Variants in LMO7 observed in about 807,000 individuals in gnomAD.
LMO7 encodes LIM domain only protein 7.
A neutral mutation model predicts 206.5 loss-of-function variants in LMO7; 120 were observed. The observed-to-expected ratio is 0.58, with a 90% confidence interval of 0.50 to 0.68. The LOEUF is 0.68. Ranked by LOEUF, LMO7 falls within the 30% of genes least tolerant of loss-of-function variation. The probability of loss-of-function intolerance (pLI) is 0.00; values close to 1 mark genes in which losing one functional copy is unlikely to be tolerated. For missense variants in LMO7, 1,959 were observed against 1,957.9 expected, an observed-to-expected ratio of 1.00 and a Z score of -0.01; for synonymous variants, 706 against 681.5, an observed-to-expected ratio of 1.04 and a Z score of -0.56.
At chr13:75,823,924 T>A in intron 15 of LMO7, 51 bp downstream of exon 15, 1 of 1,453,550 alleles carries the variant, frequency 6.9e-7, no homozygotes, top group Non-Finnish European at 9.6e-7. Flanking sequence ...CTTACACATT[T>A]AAATCTGGAA....
chr13:75,654,895 A>G (rs1353124249), intron 1 of LMO7, among the ~76,000 whole-genome samples: 1 of 138,694 alleles, frequency 7.2e-6, no homozygotes, highest in Non-Finnish European at 1.6e-5. Flanking sequence ...TTTTTGACAA[A>G]ATCTTCGCTC....
intron 30 of LMO7, chr13:75,857,632 A>G (rs2061073289): frequency 4.0e-6 from 1 of 247,228 alleles, no homozygotes; most frequent in African/African-American, 2.2e-5. Flanking sequence ...TTCTGGAATC[A>G]CCATTGTAAA....
chr13:75,727,607 A>G (rs1668653414), intron 3 of LMO7, among the ~76,000 whole-genome samples: 1 of 151,990 alleles, frequency 6.6e-6, no homozygotes, highest in Non-Finnish European at 1.5e-5. Context: ...TGTATTGCCT[A>G]TACTTTGCTT....
rs2035863616 is a variant in LMO7 at position 75,636,450 on chromosome 13, C to T, written c.-208C>T. 1 of 1,412,272 alleles carries T rather than the reference C, an allele frequency of 7.1e-7. No individual in the cohort carries two copies. The highest frequency in any genetic ancestry group is 9.2e-7 in the Non-Finnish European group (1 of 1,088,498). The allele number at this position is 1,412,272 out of a possible 1,614,324, so 87.5% of individuals were successfully genotyped here. On this transcript the variant is annotated 5_prime_UTR_variant, in exon 1 of 31. Coordinates refer to ENST00000377534, the MANE Select transcript of LMO7 (RefSeq NM_001306080.2). Reference sequence around the variant, plus strand: ...TCGCTTTCAGGAGTTTAGAGAAAGCCAGGTCTTCACGTTCGTGTAGGTTCG... The same window carrying T: ...TCGCTTTCAGGAGTTTAGAGAAAGCTAGGTCTTCACGTTCGTGTAGGTTCG...
At position 75,806,293 on chromosome 13, in the gene LMO7, G is replaced by A. The variant is rs564426601; in HGVS notation, c.1196+533G>A. 3.7e-5 allele frequency: 36 copies of A among 974,040 alleles called. No individual in the cohort carries two copies. In the East Asian group the frequency reaches 1.6e-3, roughly 43 times the overall value. The allele number at this position is 974,040 out of a possible 1,614,324, so 60.3% of individuals were successfully genotyped here. A position where few individuals can be genotyped will look rare whatever the true frequency, so the allele number is the denominator to read the frequency against. On this transcript the variant is annotated intron_variant, in intron 9 of 30. Coordinates refer to ENST00000377534, the MANE Select transcript of LMO7 (RefSeq NM_001306080.2). The stretch of plus-strand genomic sequence containing the variant: ...CTGTCTGCATGAGCCTGCCTGCTGC[G>A]GGTCTGGCCTCAGACAACCCTCTGC...
At chr13:75,813,796 C>A (rs187193783) in intron 11 of LMO7, among the ~76,000 whole-genome samples, 1 of 152,210 alleles carries the variant, frequency 6.6e-6, no homozygotes, top group Non-Finnish European at 1.5e-5. Context: ...CAAAGGAGAG[C>A]ACCCCTGGGA....
chr13:75,737,930 G>A (rs2046079929), intron 3 of LMO7, among the ~76,000 whole-genome samples: 1 of 145,162 alleles, frequency 6.9e-6, no homozygotes, highest in Admixed American at 6.8e-5. Flanking sequence ...AATTTTTTTG[G>A]TGTCTCTTAG....
At chr13:75,712,980 T>A (rs185319504) in intron 1 of LMO7, among the ~76,000 whole-genome samples, 1 of 152,232 alleles carries the variant, frequency 6.6e-6, no homozygotes, top group Non-Finnish European at 1.5e-5. Context: ...ATATTTGTCA[T>A]ACTAAAATGG....
Position 75,845,354 on chromosome 13 carries a change from G to A in LMO7, c.4125G>A (p.Leu1375=), listed in dbSNP as rs1391717358. 1 of 1,582,786 alleles carries A rather than the reference G, an allele frequency of 6.3e-7. No individual in the cohort carries two copies. The change falls in exon 26 of 31, where the codon CTG becomes CTA. Residue 1375 remains leucine (L), a synonymous_variant. Transcript: ENST00000377534. ...ATAAATCCAGATCTACTACTGAACTGGATGATTACTCCACAAATAAAAATG... is the reference window on the plus strand; with the variant it reads ...ATAAATCCAGATCTACTACTGAACTAGATGATTACTCCACAAATAAAAATG... ...DRNKSRSTTE[L]DDYSTNKNGN...
chr13:75,685,605 T>A (rs1238924842), intron 1 of LMO7, among the ~76,000 whole-genome samples: 1 of 138,372 alleles, frequency 7.2e-6, no homozygotes, highest in African/African-American at 2.9e-5. Flanking sequence ...GCTCATTGTT[T>A]ATACCAAAAT....
At chr13:75,648,724 T>C (rs1245836221) in intron 1 of LMO7, among the ~76,000 whole-genome samples, 5 of 152,160 alleles carry the variant, frequency 3.3e-5, no homozygotes, top group Non-Finnish European at 5.9e-5. Context: ...GTGTGTGTGG[T>C]GAGGAAGGGA....
At chr13:75,848,738 C>A (rs1190258283) in intron 26 of LMO7, among the ~76,000 whole-genome samples, 1 of 152,174 alleles carries the variant, frequency 6.6e-6, no homozygotes, top group Non-Finnish European at 1.5e-5. Flanking sequence ...GTATCTTTTT[C>A]ATATAATGAC....
At chr13:75,772,251 G>A (rs1402836548) in intron 4 of LMO7, among the ~76,000 whole-genome samples, 1 of 152,056 alleles carries the variant, frequency 6.6e-6, no homozygotes, top group Non-Finnish European at 1.5e-5. Flanking sequence ...AGATGCTTTA[G>A]ATTGCCAAAG....
chr13:75,682,455 G>A (rs1307931563), intron 1 of LMO7, among the ~76,000 whole-genome samples: 1 of 152,060 alleles, frequency 6.6e-6, no homozygotes, highest in Admixed American at 6.6e-5. Context: ...GAGCCTGGAT[G>A]GGGTGCCTCT....
At position 75,823,651 on chromosome 13, in the gene LMO7, G is replaced by A. The variant is rs978302301; in HGVS notation, c.2727G>A (p.Pro909=). The change falls in exon 15 of 31, where the codon CCG becomes CCA. Residue 909 remains proline, a synonymous_variant. Coordinates refer to ENST00000377534, the MANE Select transcript of LMO7 (RefSeq NM_001306080.2). The part of the protein sequence containing the change: ...NNVVSTPAPS[P]DASQLASSLS... ...TGGTCAGCACCCCTGCACCAAGCCC[G>A]GACGCAAGCCAACTGGCTTCAAGCT... is the stretch of plus-strand genomic sequence containing the variant. The A allele has an allele frequency of 1.1e-5, 17 of 1,613,982 alleles. No individual in the cohort carries two copies. Among genetic ancestry groups the A allele is most frequent in the East Asian group, 4.5e-5 (2 of 44,888 alleles).
chr13:75,726,987 A>G (rs1410847445), intron 2 of LMO7, 42 bp from the exon 3 acceptor site: 1 of 1,102,940 alleles, frequency 9.1e-7, no homozygotes, highest in South Asian at 1.3e-5. Flanking sequence ...AAAACCTGAT[A>G]TTGGCATCTT....
intron 3 of LMO7, among the ~76,000 whole-genome samples, chr13:75,756,452 T>C (rs2047691660): frequency 6.6e-6 from 1 of 152,210 alleles, no homozygotes; most frequent in African/African-American, 2.4e-5. Flanking sequence ...AAAGATAGGC[T>C]ACTTTTCAGT....
intron 26 of LMO7, among the ~76,000 whole-genome samples, chr13:75,847,590 A>G (rs1353718995): frequency 1.3e-5 from 2 of 152,178 alleles, no homozygotes; most frequent in Non-Finnish European, 2.9e-5. Flanking sequence ...CTCTCTCCCC[A>G]GGGAGAGTAT....
intron 2 of LMO7, among the ~76,000 whole-genome samples, chr13:75,721,737 G>T (rs1202240195): frequency 1.3e-5 from 2 of 152,130 alleles, no homozygotes; most frequent in Non-Finnish European, 2.9e-5. Context: ...ATTTGGGCTG[G>T]TTCCACATTC....
Sources: allele counts gnomAD v4.1 joint callset (sites outside exome capture counted in the v4.1 genomes callset), GRCh38; gene constraint gnomAD v4.1.1; transcripts MANE v1.5; gene names NCBI Gene and HGNC (gene_info 2026-07-23, HGNC 2026-07-21).